The following PCSK2 variants were observed in gnomAD, a reference collection of about 807,000 sequenced individuals.
PCSK2 encodes the protein neuroendocrine convertase 2.
In PCSK2, 14 loss-of-function variants were observed where a neutral mutation model predicts 69.7. That is an observed-to-expected ratio of 0.20 (90% confidence interval 0.13 to 0.31). PCSK2 has a LOEUF of 0.31. Ranked by LOEUF, PCSK2 falls within the 10% of genes least tolerant of loss-of-function variation. The pLI is 1.00. For synonymous variants in PCSK2, 307 were observed against 320.7 expected, an observed-to-expected ratio of 0.96 and a Z score of 0.46; for missense variants, 544 against 842.5, an observed-to-expected ratio of 0.65 and a Z score of 4.39.
intron 1 of PCSK2, among the ~76,000 whole-genome samples, chr20:17,234,719 T>C (rs975084020): frequency 1.2e-4 from 19 of 152,208 alleles, no homozygotes; most frequent in African/African-American, 4.6e-4. Context: ...CAGAAGGTCT[T>C]ATTAGCTATA....
rs183751888 is a variant in PCSK2, at chr20:17,401,604, T to G, written c.544-7659T>G. On this transcript the variant is annotated intron_variant, in intron 5 of 11. Transcript: ENST00000262545. ...TTATATGGAAGCAGTTATCAAAAGA[T>G]TGAAATTACACATCTGTGAAATGCT... is the stretch of plus-strand genomic sequence containing the variant. Among the ~76,000 whole-genome samples, 454 of 152,298 alleles carry G rather than the reference T, an allele frequency of 3.0e-3. 1 individual carries two copies. Among genetic ancestry groups the G allele is most frequent in the Non-Finnish European group, 5.5e-3 (371 of 68,032 alleles).
At chr20:17,292,828 T>A (rs1200711860) in intron 2 of PCSK2, among the ~76,000 whole-genome samples, 2 of 152,282 alleles carry the variant, frequency 1.3e-5, no homozygotes, top group East Asian at 1.9e-4. Flanking sequence ...CTGGGGTGTT[T>A]TTTTTTATTT....
Position 17,482,371 on chromosome 20 carries a change from A to G in PCSK2, c.*301A>G. The stretch of plus-strand genomic sequence containing the variant: ...AAAAAAAAAAAAAAAAAACTGGGAC[A>G]GCTTTCCCCTCATTTTTTTTTTTGT... On this transcript the variant is annotated 3_prime_UTR_variant, in exon 12 of 12. Transcript: ENST00000262545. 1 of 177,986 alleles carries G rather than the reference A, an allele frequency of 5.6e-6. No homozygotes were observed. Among genetic ancestry groups the G allele is most frequent in the Non-Finnish European group, 1.1e-5 (1 of 89,472 alleles). The allele number at this position is 177,986 out of a possible 1,614,324, so 11.0% of individuals were successfully genotyped here. A position where few individuals can be genotyped will look rare whatever the true frequency, so the allele number is the denominator to read the frequency against.
intron 2 of PCSK2, among the ~76,000 whole-genome samples, chr20:17,295,173 T>C (rs1054642947): frequency 2.0e-5 from 3 of 151,938 alleles, no homozygotes; most frequent in African/African-American, 7.3e-5. Context: ...CTTCCCTGCA[T>C]TTTCAGTTGT....
At chr20:17,301,161 T>C (rs1428823881) in intron 2 of PCSK2, among the ~76,000 whole-genome samples, 1 of 152,194 alleles carries the variant, frequency 6.6e-6, no homozygotes, top group Non-Finnish European at 1.5e-5. Flanking sequence ...AGAGCAAATG[T>C]ATTTGACGTT....
At chr20:17,358,591 A>G in intron 3 of PCSK2, 151 bp downstream of exon 3, 1 of 582,866 alleles carries the variant, frequency 1.7e-6, no homozygotes, top group East Asian at 2.8e-5. Context: ...ATTTTCTGTC[A>G]CCACCTGTGC....
At chr20:17,456,292 C>T (rs1004980785) in intron 9 of PCSK2, 56 bp from the exon 10 acceptor site, 22 of 890,528 alleles carry the variant, frequency 2.5e-5, no homozygotes, top group African/African-American at 1.6e-4. Context: ...CCACATTGTG[C>T]GGGGGTTCAA....
chr20:17,481,605 G>C lies in PCSK2; in HGVS notation c.1452G>C (p.Lys484Asn). Reference sequence around the variant, plus strand: ...TCAGGAAAATACCATCCACTGGCAAGTTGGTGCTGACACTCACAACCGACG... The same window carrying C: ...TCAGGAAAATACCATCCACTGGCAACTTGGTGCTGACACTCACAACCGACG... ...QDPEKIPSTG[K>N]LVLTLTTDAC... Residue 484 changes from lysine to asparagine, a missense_variant, in exon 12 of 12, where the codon AAG becomes AAC. Physicochemically the swap from Lys to Asn is moderately conservative, Grantham distance 94. Around this residue, in one of 3 missense-constraint regions of PCSK2, gnomAD observed 200 missense variants for 287.8 expected, o/e 0.69. Transcript: ENST00000262545. 2 of 1,613,916 alleles carry C rather than the reference G, an allele frequency of 1.2e-6. No individual in the cohort carries two copies. The highest frequency in any genetic ancestry group is 8.5e-7 in the Non-Finnish European group (1 of 1,179,942).
intron 2 of PCSK2, among the ~76,000 whole-genome samples, chr20:17,302,343 G>A (rs754003524): frequency 6.6e-6 from 1 of 151,998 alleles, no homozygotes; most frequent in Non-Finnish European, 1.5e-5. Flanking sequence ...AAACATGCTG[G>A]TAAATGGTCT....
intron 1 of PCSK2, among the ~76,000 whole-genome samples, chr20:17,236,063 A>G (rs1454068682): frequency 6.6e-6 from 1 of 152,180 alleles, no homozygotes; most frequent in Non-Finnish European, 1.5e-5. Context: ...CATTATTCAG[A>G]AATAACCATT....
intron 3 of PCSK2, among the ~76,000 whole-genome samples, 181 bp from the exon 4 acceptor site, chr20:17,360,351 G>A (rs914763965): frequency 6.8e-6 from 1 of 146,752 alleles, no homozygotes; most frequent in South Asian, 2.2e-4. Context: ...AAAAAAAAAT[G>A]GAGAGGAAAC....
At chr20:17,430,000 C>A (rs956879078) in intron 7 of PCSK2, among the ~76,000 whole-genome samples, 2 of 152,242 alleles carry the variant, frequency 1.3e-5, no homozygotes, top group African/African-American at 4.8e-5. Context: ...CTATAGAATA[C>A]AAGGTGGTGT....
rs550159385 is a variant in PCSK2 at position 17,375,104 on chromosome 20, G to A, written c.543+5827G>A. Among the ~76,000 whole-genome samples, 35 of 152,250 alleles carry A rather than the reference G, an allele frequency of 2.3e-4. No individual in the cohort carries two copies. In the South Asian group the frequency reaches 2.9e-3, roughly 13 times the overall value. On this transcript the variant is annotated intron_variant, in intron 5 of 11. Coordinates refer to ENST00000262545, the MANE Select transcript of PCSK2 (RefSeq NM_002594.5). ...GCAAGGTATCCTTGAGATAATATGC[G>A]TATCAGGCCTGGCACATAATAGATG...
chr20:17,395,348 A>T (rs1294271326), intron 5 of PCSK2, among the ~76,000 whole-genome samples: 1 of 152,230 alleles, frequency 6.6e-6, no homozygotes, highest in Non-Finnish European at 1.5e-5. Context: ...ATTTAATACA[A>T]CTTAGGTCTT....
At chr20:17,303,826 C>A (rs968819786) in intron 2 of PCSK2, among the ~76,000 whole-genome samples, 1 of 148,706 alleles carries the variant, frequency 6.7e-6, no homozygotes, top group African/African-American at 2.5e-5. Flanking sequence ...ATCCACCCCC[C>A]ACCCCGCCCT....
chr20:17,338,820 A>G (rs185983658), intron 2 of PCSK2, among the ~76,000 whole-genome samples: 91 of 152,280 alleles, frequency 6.0e-4, no homozygotes, highest in African/African-American at 2.1e-3. Context: ...TGGAATGATT[A>G]GGAGACACTG....
intron 8 of PCSK2, among the ~76,000 whole-genome samples, chr20:17,446,552 A>G (rs2032702420): frequency 6.6e-6 from 1 of 152,338 alleles, no homozygotes; most frequent in Non-Finnish European, 1.5e-5. Context: ...TTTAGCAAGC[A>G]GCAGCAATGA....
intron 2 of PCSK2, among the ~76,000 whole-genome samples, chr20:17,338,178 G>T (rs988644630): frequency 1.4e-5 from 2 of 145,034 alleles, no homozygotes; most frequent in Non-Finnish European, 3.0e-5. Flanking sequence ...TTTTGGGGGG[G>T]GGGGTTGTGT....
At chr20:17,454,945 C>T (rs2032893135) in intron 9 of PCSK2, among the ~76,000 whole-genome samples, 1 of 152,176 alleles carries the variant, frequency 6.6e-6, no homozygotes, top group Non-Finnish European at 1.5e-5. Flanking sequence ...CTGTCCTTCC[C>T]ACGAGCCCTC....
Sources: gnomAD v4.1 joint callset for allele counts (sites outside exome capture counted in the v4.1 genomes callset) on GRCh38, gnomAD v4.1.1 for gene constraint, gnomAD v4.1.1 regional missense constraint, MANE v1.5 for transcripts, NCBI Gene and HGNC (gene_info 2026-07-23, HGNC 2026-07-21) for gene names.